Variants in SNTB1 observed in about 807,000 individuals in gnomAD.
SNTB1 encodes syntrophin beta 1, also known as beta-1-syntrophin.
SNTB1 carries 36 observed loss-of-function variants against 48.9 expected under a neutral mutation model. That is an observed-to-expected ratio of 0.74 (90% CI 0.56 to 0.97). SNTB1 has a LOEUF of 0.97. Among genes scored for constraint, SNTB1 ranks in the 50% least tolerant of loss-of-function variants. SNTB1 has a pLI of 0.00. For missense variants in SNTB1, 786 were observed against 703.4 expected (o/e 1.12, Z -1.33); for synonymous variants, 299 against 294.6 (o/e 1.01, Z -0.15).
At chr8:120,743,369 A>C (rs1819075265) in intron 1 of SNTB1, among the ~76,000 whole-genome samples, 1 of 152,004 alleles carries the variant, frequency 6.6e-6, no homozygotes, top group Non-Finnish European at 1.5e-5. Flanking sequence ...ATTATAAAAC[A>C]CCCTTTCCTT....
At chr8:120,672,986 C>G (rs1454531875) in intron 2 of SNTB1, among the ~76,000 whole-genome samples, 1 of 152,194 alleles carries the variant, frequency 6.6e-6, no homozygotes, top group African/African-American at 2.4e-5. Context: ...GAATCTCCAG[C>G]AGCAACAGTG....
intron 1 of SNTB1, among the ~76,000 whole-genome samples, chr8:120,799,373 C>T (rs1004242804): frequency 6.6e-6 from 1 of 151,840 alleles, no homozygotes; most frequent in African/African-American, 2.4e-5. Flanking sequence ...ACATCTGAGT[C>T]AATACTGGTG....
At chr8:120,630,630 C>T (rs1403157444) in intron 3 of SNTB1, among the ~76,000 whole-genome samples, 2 of 152,188 alleles carry the variant, frequency 1.3e-5, no homozygotes, top group African/African-American at 2.4e-5. Context: ...CAATCAGCTC[C>T]TTCTCTTCTA....
chr8:120,584,481 G>A lies in SNTB1; in HGVS notation c.997-9256C>T, dbSNP rs564452676. ...AAAAAAGTGTAGTAATTTAGAAGGA[G>A]CAGTTAAGAGAAAAAAGTTTAGGGA... On this transcript the variant is annotated intron_variant, in intron 3 of 6. Coordinates refer to ENST00000517992, the MANE Select transcript of SNTB1 (RefSeq NM_021021.4). 2.0e-5 allele frequency among the ~76,000 whole-genome samples: 3 copies of A among 148,016 alleles called. No individual in the cohort carries two copies. In the East Asian group the frequency reaches 5.9e-4, roughly 29 times the overall value.
chr8:120,654,523 C>A (rs1313898610), intron 2 of SNTB1, among the ~76,000 whole-genome samples: 1 of 152,158 alleles, frequency 6.6e-6, no homozygotes, highest in Non-Finnish European at 1.5e-5. Flanking sequence ...CCCTCCACCA[C>A]AGTTATGTAA....
intron 1 of SNTB1, among the ~76,000 whole-genome samples, chr8:120,754,653 A>G (rs562932564): frequency 6.6e-6 from 1 of 151,994 alleles, no homozygotes; most frequent in African/African-American, 2.4e-5. Context: ...TAGAGAGTAT[A>G]TGAAGGCAAA....
chr8:120,745,664 C>G (rs750908114), intron 1 of SNTB1, among the ~76,000 whole-genome samples: 3 of 152,072 alleles, frequency 2.0e-5, no homozygotes, highest in Non-Finnish European at 4.4e-5. Context: ...TGGAGCAAAA[C>G]AGGAAATATC....
intron 3 of SNTB1, among the ~76,000 whole-genome samples, chr8:120,587,788 T>G (rs1048236370): frequency 6.6e-6 from 1 of 152,196 alleles, no homozygotes; most frequent in Non-Finnish European, 1.5e-5. Flanking sequence ...CAGAAATGGA[T>G]GAAAGGCTGC....
intron 1 of SNTB1, among the ~76,000 whole-genome samples, chr8:120,700,091 A>G (rs993742483): frequency 2.6e-5 from 4 of 152,084 alleles, no homozygotes; most frequent in African/African-American, 7.2e-5. Context: ...ATCCGGGTAG[A>G]CTGGCTCTAC....
At chr8:120,627,548 AT>A (rs1307572706) in intron 3 of SNTB1, among the ~76,000 whole-genome samples, 1 of 152,206 alleles carries the variant, frequency 6.6e-6, no homozygotes, top group Non-Finnish European at 1.5e-5. Flanking sequence ...AAAGGAGAGA[AT>A]GTCTTCTTGT....
chr8:120,730,715 T>A (rs965615493), intron 1 of SNTB1, among the ~76,000 whole-genome samples: 3 of 152,216 alleles, frequency 2.0e-5, no homozygotes, highest in Non-Finnish European at 2.9e-5. Context: ...TTTAATCTCA[T>A]CTTCTGTAAA....
At chr8:120,672,278 C>A (rs1322791287) in intron 2 of SNTB1, among the ~76,000 whole-genome samples, 1 of 152,138 alleles carries the variant, frequency 6.6e-6, no homozygotes, top group Non-Finnish European at 1.5e-5. Flanking sequence ...AGTTGAGGAG[C>A]ATCTGTGTTA....
chr8:120,763,346 CAAG>C (rs996909973), intron 1 of SNTB1, among the ~76,000 whole-genome samples: 3 of 152,126 alleles, frequency 2.0e-5, no homozygotes, highest in African/African-American at 7.2e-5. Flanking sequence ...AAAACTACAA[CAAG>C]GGGTTGATTT....
In SNTB1 at chr8:120,673,641, C is replaced by T. The variant is rs1290678451; in HGVS notation, c.788+20051G>A. ...TCTCTGCTTGGGCTATGATGGACAA[C>T]GGAGCAGCAAAAACTGTCAGATTCC... On this transcript the variant is annotated intron_variant, in intron 2 of 6. Transcript: ENST00000517992. Among the ~76,000 whole-genome samples, 7 of 151,840 alleles carry T rather than the reference C, an allele frequency of 4.6e-5. No homozygotes were observed. The East Asian group carries it at 7.8e-4, about 17-fold the overall frequency.
chr8:120,632,418 A>G lies in SNTB1; in HGVS notation c.996+26T>C, dbSNP rs552729236. ...TGGGGGAATCTCGGGGAGGACGACT[A>G]TTACAGAGGAAGGTATTTTCCTTAC... On this transcript the variant is annotated intron_variant, in intron 3 of 6. Transcript: ENST00000517992. The G allele has an allele frequency of 5.6e-6, 9 of 1,605,704 alleles. No homozygotes were observed. In the South Asian group the frequency reaches 6.6e-5, roughly 12 times the overall value.
At chr8:120,807,923 T>A (rs530364487) in intron 1 of SNTB1, among the ~76,000 whole-genome samples, 2 of 152,226 alleles carry the variant, frequency 1.3e-5, no homozygotes, top group East Asian at 1.9e-4. Context: ...TTTATTTTTT[T>A]ATTTTTTTTG....
intron 1 of SNTB1, among the ~76,000 whole-genome samples, chr8:120,775,970 T>C (rs1029393471): frequency 1.3e-5 from 2 of 152,226 alleles, no homozygotes; most frequent in Non-Finnish European, 2.9e-5. Context: ...ACATGTGCCA[T>C]GTTGGTGTGC....
chr8:120,753,322 CT>C (rs1430899368), intron 1 of SNTB1, among the ~76,000 whole-genome samples: 5 of 152,160 alleles, frequency 3.3e-5, no homozygotes, highest in Non-Finnish European at 7.3e-5. Context: ...AATTGCGTAA[CT>C]TTAAAAAGTT....
chr8:120,596,212 T>C (rs549805178), intron 3 of SNTB1, among the ~76,000 whole-genome samples: 1 of 152,322 alleles, frequency 6.6e-6, no homozygotes, highest in South Asian at 2.1e-4. Context: ...AGTGTCTCTC[T>C]ACATAACATG....
Sources: gnomAD v4.1 joint callset for allele counts (sites outside exome capture counted in the v4.1 genomes callset) on GRCh38, gnomAD v4.1.1 for gene constraint, MANE v1.5 for transcripts, NCBI Gene and HGNC (gene_info 2026-07-23, HGNC 2026-07-21) for gene names.